Variants in MMS19 observed in about 807,000 individuals in gnomAD.
The protein encoded by MMS19 is MMS19 cytosolic iron-sulfur assembly component.
In MMS19, 77 loss-of-function variants were observed where a neutral mutation model predicts 129.8. The observed-to-expected ratio is 0.59, with a 90% confidence interval of 0.49 to 0.72. The LOEUF is 0.72. Ranked by LOEUF, MMS19 falls within the 30% of genes least tolerant of loss-of-function variation. The probability of loss-of-function intolerance (pLI) is 0.00; values close to 1 mark genes in which losing one functional copy is unlikely to be tolerated. For synonymous variants in MMS19, 491 were observed against 502.8 expected (o/e 0.98, Z 0.31); for missense variants, 1,168 against 1,266.3 (o/e 0.92, Z 1.18).
At chr10:97,459,157 G>C (rs2030862808) in intron 29 of MMS19, 66 bp downstream of exon 29, 1 of 1,513,024 alleles carries the variant, frequency 6.6e-7, no homozygotes, top group African/African-American at 1.4e-5. Flanking sequence ...CCTGACTAAG[G>C]CAAAAAGGTA....
At chr10:97,482,739 C>T (rs145886221) in intron 2 of MMS19, among the ~76,000 whole-genome samples, 39,635 of 91,856 alleles carry the variant, frequency 0.43, 6,289 homozygotes, top group Non-Finnish European at 0.51. Context: ...TATATATATA[C>T]ACACACACAC....
intron 1 of MMS19, among the ~76,000 whole-genome samples, chr10:97,495,466 C>T (rs2039620262): frequency 1.3e-5 from 2 of 152,210 alleles, no homozygotes; most frequent in Admixed American, 1.3e-4. Flanking sequence ...AGGAAGCTAG[C>T]TGGTCCCTTT....
chr10:97,466,099 G>A lies in MMS19; in HGVS notation c.1566C>T (p.Ser522=), dbSNP rs755469718. The change falls in exon 17 of 31, where the codon AGC becomes AGT. Residue 522 remains serine, a synonymous_variant. Coordinates refer to ENST00000438925, the MANE Select transcript of MMS19 (RefSeq NM_022362.5). ...TLAALYPVAF[S]SHLVPKLAEE... is the part of the protein sequence containing the mutation. ...CAGCGAGCTTGGGTACGAGGTGGCT[G>A]CTGAAGGCCACAGGGTAGAGAGCAG... The A allele has an allele frequency of 1.2e-6, 2 of 1,607,452 alleles. No individual in the cohort carries two copies. Among genetic ancestry groups the A allele is most frequent in the Non-Finnish European group, 1.7e-6 (2 of 1,176,730 alleles).
At position 97,498,394 on chromosome 10, in the gene MMS19, T is replaced by G. The variant is rs751043936; in HGVS notation, c.-10A>C. The G allele has an allele frequency of 6.3e-7, 1 of 1,579,426 alleles. No homozygotes were observed. The highest frequency in any genetic ancestry group is 8.5e-7 in the Non-Finnish European group (1 of 1,170,720). On this transcript the variant is annotated 5_prime_UTR_variant, in exon 1 of 31. Coordinates refer to ENST00000438925, the MANE Select transcript of MMS19 (RefSeq NM_022362.5). ...CCGCGGCAGCGGCCATAACGCGAAC[T>G]AGAGACCGTGGGAGGGGATATGGGC...
chr10:97,462,071 G>A lies in MMS19; in HGVS notation c.2061C>T (p.Gly687=), dbSNP rs1467516271. The A allele has an allele frequency of 3.1e-6, 5 of 1,591,240 alleles. No homozygotes were observed. The highest frequency in any genetic ancestry group is 1.1e-5 in the South Asian group (1 of 87,088). Reference sequence around the variant, plus strand: ...TGTTTTCAGGCAGAAAGGACACGTTGCCATCCAAGAAGAGGGGCACAATGT... The same window carrying A: ...TGTTTTCAGGCAGAAAGGACACGTTACCATCCAAGAAGAGGGGCACAATGT... ...VTHIVPLFLD[G]NVSFLPENSF... is the part of the protein sequence containing the mutation. The change falls in exon 21 of 31, where the codon GGC becomes GGT. Residue 687 remains glycine, a synonymous_variant. Coordinates refer to ENST00000438925, the MANE Select transcript of MMS19 (RefSeq NM_022362.5).
intron 7 of MMS19, 39 bp downstream of exon 7, chr10:97,476,796 T>C: frequency 1.2e-6 from 2 of 1,613,810 alleles, no homozygotes; most frequent in Non-Finnish European, 1.7e-6. Flanking sequence ...ACTCATCTGA[T>C]AAAGCTCCAA....
At chr10:97,490,101 AT>A (rs546435361) in intron 1 of MMS19, among the ~76,000 whole-genome samples, 6 of 149,894 alleles carry the variant, frequency 4.0e-5, no homozygotes, top group Non-Finnish European at 8.9e-5. Context: ...TATTATTTGG[AT>A]TTTTTTTTTG....
chr10:97,460,377 T>C (rs2031438481), intron 25 of MMS19, 145 bp from the exon 26 acceptor site: 1 of 727,856 alleles, frequency 1.4e-6, no homozygotes, highest in Admixed American at 2.9e-5. Flanking sequence ...AGTCTAGGAG[T>C]CTGGGCAACA....
intron 3 of MMS19, among the ~76,000 whole-genome samples, chr10:97,480,590 T>C (rs2036607259): frequency 6.6e-6 from 1 of 152,156 alleles, no homozygotes; most frequent in African/African-American, 2.4e-5. Context: ...TCCATGTGTC[T>C]TTCTTTTTTG....
intron 1 of MMS19, among the ~76,000 whole-genome samples, chr10:97,485,911 C>A (rs2037765956): frequency 6.6e-6 from 1 of 152,216 alleles, no homozygotes; most frequent in Admixed American, 6.5e-5. Flanking sequence ...TGGAAAACAG[C>A]ATGGAGGTTT....
At chr10:97,476,535 C>A in intron 8 of MMS19, 148 bp downstream of exon 8, 1 of 681,058 alleles carries the variant, frequency 1.5e-6, no homozygotes, top group Non-Finnish European at 2.5e-6. Flanking sequence ...ATGTCAAATG[C>A]TTTTCCATTT....
chr10:97,492,331 T>C (rs574838818), intron 1 of MMS19, among the ~76,000 whole-genome samples: 109 of 150,772 alleles, frequency 7.2e-4, no homozygotes, highest in Non-Finnish European at 1.3e-3. Context: ...AAATATTAGC[T>C]GGGCGTGGTG....
chr10:97,487,217 A>G (rs966920361), intron 1 of MMS19, among the ~76,000 whole-genome samples: 3 of 152,086 alleles, frequency 2.0e-5, no homozygotes, highest in African/African-American at 7.2e-5. Flanking sequence ...AGACTATTCA[A>G]TAGTGTTAGA....
chr10:97,465,350 C>A (rs1282835984), intron 18 of MMS19, among the ~76,000 whole-genome samples: 1 of 151,294 alleles, frequency 6.6e-6, no homozygotes, highest in African/African-American at 2.4e-5. Context: ...GCTGGCCAGG[C>A]TGGAGTACAG....
At chr10:97,498,728 G>A (rs1017920411), upstream of MMS19, 13 of 339,154 alleles carry the variant, frequency 3.8e-5, no homozygotes, top group Non-Finnish European at 6.5e-5. Flanking sequence ...ATCAGGCCCA[G>A]CCCTAGGGGG....
intron 8 of MMS19, among the ~76,000 whole-genome samples, chr10:97,472,717 C>A (rs2034985993): frequency 1.3e-5 from 2 of 152,148 alleles, no homozygotes; most frequent in Admixed American, 1.3e-4. Context: ...CCAAGCCATC[C>A]TCCCACCTCC....
chr10:97,462,816 G>A, intron 19 of MMS19, 134 bp from the exon 20 acceptor site: 1 of 700,666 alleles, frequency 1.4e-6, no homozygotes, highest in Non-Finnish European at 2.5e-6. Flanking sequence ...CTGGTCTCTG[G>A]TAGTGCTATA....
chr10:97,480,955 G>A lies in MMS19; in HGVS notation c.249C>T (p.Leu83=). 6.2e-7 allele frequency: 1 copy of A among 1,605,248 alleles called. No individual in the cohort carries two copies. The highest frequency in any genetic ancestry group is 8.5e-7 in the Non-Finnish European group (1 of 1,174,552). The change falls in exon 3 of 31, where the codon CTC becomes CTT. Residue 83 remains leucine (L), a synonymous_variant. Transcript: ENST00000438925. ...TGACACCAGTACCTTCCTTCTCCAGGAGCAAGGTGTGACAGTGGAGTAGCA... is the reference window on the plus strand; with the variant it reads ...TGACACCAGTACCTTCCTTCTCCAGAAGCAAGGTGTGACAGTGGAGTAGCA... ...SQVLLHCHTL[L]LEKEVVHLIL...
chr10:97,460,600 AAC>A, intron 25 of MMS19, 93 bp downstream of exon 25: 4 of 1,065,516 alleles, frequency 3.8e-6, no homozygotes, highest in East Asian at 2.6e-5. Context: ...GAAAACAAAA[AAC>A]ACACAGGGGA....
Sources: gnomAD v4.1 joint callset for allele counts (sites outside exome capture counted in the v4.1 genomes callset) on GRCh38, gnomAD v4.1.1 for gene constraint, MANE v1.5 for transcripts, NCBI Gene and HGNC (gene_info 2026-07-23, HGNC 2026-07-21) for gene names.